The following PTTG1IP variants were observed in gnomAD, a reference collection of about 807,000 sequenced individuals.
PTTG1IP encodes PTTG1 interacting protein, also known as pituitary tumor-transforming gene 1 protein-interacting protein.
A neutral mutation model predicts 24.4 loss-of-function variants in PTTG1IP; 16 were observed. The ratio of observed to expected loss-of-function variants is 0.66; its 90% CI spans 0.44 to 1.00. PTTG1IP has a LOEUF of 1.00. Ranked by LOEUF, PTTG1IP falls within the 50% of genes least tolerant of loss-of-function variation. PTTG1IP has a pLI of 0.00. For missense variants in PTTG1IP, 241 were observed against 245.8 expected, an observed-to-expected ratio of 0.98 and a Z score of 0.13; for synonymous variants, 89 against 96.8, an observed-to-expected ratio of 0.92 and a Z score of 0.47.
At position 44,851,497 on chromosome 21, in the gene PTTG1IP, C is replaced by A. The variant is rs563111034; in HGVS notation, c.*84G>T. 7 of 1,613,588 alleles carry A rather than the reference C, an allele frequency of 4.3e-6. No homozygotes were observed. The highest frequency in any genetic ancestry group is 5.9e-6 in the Non-Finnish European group (7 of 1,179,996). ...TTCACTGGCCAAGGTCAGGAGACCG[C>A]AATGGCCACGTGGTCTCCCGGCTGG... is the stretch of plus-strand genomic sequence containing the variant. On this transcript the variant is annotated 3_prime_UTR_variant, in exon 6 of 6. Transcript: ENST00000330938.
At chr21:44,860,954 C>T (rs955893793) in intron 3 of PTTG1IP, among the ~76,000 whole-genome samples, 3 of 152,250 alleles carry the variant, frequency 2.0e-5, no homozygotes, top group Non-Finnish European at 4.4e-5. Flanking sequence ...CAAGTGCATG[C>T]CACCACGCCC....
intron 3 of PTTG1IP, among the ~76,000 whole-genome samples, chr21:44,860,523 AG>A (rs2083482702): frequency 6.6e-6 from 1 of 152,166 alleles, no homozygotes; most frequent in African/African-American, 2.4e-5. Flanking sequence ...TGGAGATTCT[AG>A]GGGAATTCAC....
At chr21:44,851,682 C>T (rs532299844) in intron 5 of PTTG1IP, 55 bp from the exon 6 acceptor site, 11 of 1,521,276 alleles carry the variant, frequency 7.2e-6, no homozygotes, top group Admixed American at 2.1e-5. Context: ...GAAACAAAAT[C>T]TTAGAAAGCC....
In PTTG1IP at chr21:44,861,255, G is replaced by A. The variant is rs144668992; in HGVS notation, c.185C>T (p.Thr62Ile). 3.1e-6 allele frequency: 5 copies of A among 1,613,474 alleles called. No individual in the cohort carries two copies. The African/African-American group carries it at 5.3e-5, about 17-fold the overall frequency. ...TGGGTAGTCCAGACAAGCCTTGTTA[G>A]TGTTGCACCAAAGACACTGAAAGAG... ...LKNVSCLWCN[T>I]NKACLDYPVT... Residue 62 changes from threonine (T) to isoleucine (I), a missense_variant, in exon 3 of 6, where the codon ACT becomes ATT. Coordinates refer to ENST00000330938, the MANE Select transcript of PTTG1IP (RefSeq NM_004339.4).
chr21:44,851,353 T>G lies in PTTG1IP; in HGVS notation c.*228A>C. Reference sequence around the variant, plus strand: ...GCCCAAACCCCAAAGATTTCTTATTTCAAGTGACTAAATCTAGAAACAGAG... The same window carrying G: ...GCCCAAACCCCAAAGATTTCTTATTGCAAGTGACTAAATCTAGAAACAGAG... On this transcript the variant is annotated 3_prime_UTR_variant, in exon 6 of 6. Transcript: ENST00000330938. 6.6e-7 allele frequency: 1 copy of G among 1,506,086 alleles called. No individual in the cohort carries two copies. The highest frequency in any genetic ancestry group is 8.9e-7 in the Non-Finnish European group (1 of 1,123,808). 93.3% of individuals were successfully genotyped at this position (1,506,086 alleles called of 1,614,324 possible).
At chr21:44,861,872 G>A (rs1390599999) in intron 2 of PTTG1IP, 3 of 717,076 alleles carry the variant, frequency 4.2e-6, no homozygotes, top group Admixed American at 2.0e-5. Flanking sequence ...GGACTTGGGT[G>A]AGCATGGTCA....
chr21:44,861,719 C>G (rs1233350783), intron 2 of PTTG1IP: 32 of 716,600 alleles, frequency 4.5e-5, no homozygotes, highest in Non-Finnish European at 7.5e-5. Flanking sequence ...TCCACCCCCT[C>G]CTCCTCACCT....
intron 4 of PTTG1IP, 142 bp downstream of exon 4, chr21:44,856,051 T>C: frequency 1.3e-6 from 2 of 1,527,522 alleles, no homozygotes; most frequent in Non-Finnish European, 8.9e-7. Flanking sequence ...TACCACGACC[T>C]AGAAGATCCC....
At position 44,865,444 on chromosome 21, in the gene PTTG1IP, C is replaced by A; in HGVS notation, c.119G>T (p.Cys40Phe). 3 of 1,614,178 alleles carry A rather than the reference C, an allele frequency of 1.9e-6. No homozygotes were observed. Among genetic ancestry groups the A allele is most frequent in the Non-Finnish European group, 2.5e-6 (3 of 1,180,026 alleles). Reference protein sequence around the residue: ...AAAQEPPGAACSQNTNKTCEE... With the variant: ...AAAQEPPGAAFSQNTNKTCEE... ...ACAGGTTTTGTTTGTGTTCTGAGAA[C>A]AAGCTGCAGGAAAGAGGCAAGAGAC... The change falls in exon 2 of 6, where the codon TGT (cysteine) becomes TTT (phenylalanine). Residue 40 changes from cysteine to phenylalanine, a missense_variant. Coordinates refer to ENST00000330938, the MANE Select transcript of PTTG1IP (RefSeq NM_004339.4).
In PTTG1IP at chr21:44,861,239, C is replaced by T. The variant is rs540961273; in HGVS notation, c.201G>A (p.Leu67=). ...CLWCNTNKAC[L]DYPVTSVLPP... ...GCAAGACGCTTGTAACTGGGTAGTC[C>T]AGACAAGCCTTGTTAGTGTTGCACC... The change falls in exon 3 of 6, where the codon CTG becomes CTA. Residue 67 remains leucine (L), a synonymous_variant. Coordinates refer to ENST00000330938, the MANE Select transcript of PTTG1IP (RefSeq NM_004339.4). 2.5e-6 allele frequency: 4 copies of T among 1,614,078 alleles called. No homozygotes were observed. The South Asian group carries it at 4.4e-5, about 18-fold the overall frequency.
intron 4 of PTTG1IP, 118 bp from the exon 5 acceptor site, chr21:44,855,374 C>A: frequency 1.8e-6 from 2 of 1,081,752 alleles, no homozygotes; most frequent in East Asian, 2.4e-5. Flanking sequence ...GGCTTCCCTC[C>A]AGTTCCCAGA....
At chr21:44,867,644 C>G (rs2083552926) in intron 1 of PTTG1IP, among the ~76,000 whole-genome samples, 1 of 152,250 alleles carries the variant, frequency 6.6e-6, no homozygotes, top group South Asian at 2.1e-4. Flanking sequence ...GACTGATGCT[C>G]ACGTCTGTGA....
intron 3 of PTTG1IP, among the ~76,000 whole-genome samples, chr21:44,857,592 T>C (rs532930692): frequency 3.3e-5 from 5 of 152,348 alleles, no homozygotes; most frequent in African/African-American, 4.8e-5. Flanking sequence ...CTACAGTTAA[T>C]AGCTGTGCCA....
rs1378956485 is a variant in PTTG1IP, at chr21:44,851,684, TAGAA to T, written c.497-61_497-58del. ...ATTCATTCAACCAGAAACAAAATCT[TAGAA>T]AGCCATACAAACCAAGCTTTATAAG... On this transcript the variant is annotated intron_variant, in intron 5 of 5. Transcript: ENST00000330938. 1.3e-5 allele frequency: 19 copies of T among 1,517,574 alleles called. No individual in the cohort carries two copies. In the East Asian group the frequency reaches 3.2e-4, roughly 26 times the overall value. The allele number at this position is 1,517,574 out of a possible 1,614,324, so 94.0% of individuals were successfully genotyped here. A position where few individuals can be genotyped will look rare whatever the true frequency, so the allele number is the denominator to read the frequency against.
At chr21:44,857,435 C>T (rs961698485) in intron 3 of PTTG1IP, among the ~76,000 whole-genome samples, 5 of 152,144 alleles carry the variant, frequency 3.3e-5, no homozygotes, top group African/African-American at 1.2e-4. Flanking sequence ...TGCAGTGAGC[C>T]GTGCCTACAC....
In PTTG1IP at chr21:44,870,778, C is replaced by A. The variant is rs186635066; in HGVS notation, c.115+2724G>T. On this transcript the variant is annotated intron_variant, in intron 1 of 5. Transcript: ENST00000330938. Reference sequence around the variant, plus strand: ...GACTCCATTTATCAATTTTTAAAGACCTTTCAGTCTCATTTGTTTCCGAAA... The same window carrying A: ...GACTCCATTTATCAATTTTTAAAGAACTTTCAGTCTCATTTGTTTCCGAAA... Among the ~76,000 whole-genome samples the A allele has an allele frequency of 1.2e-4, 18 of 152,322 alleles. No homozygotes were observed. The East Asian group carries it at 3.5e-3, about 29-fold the overall frequency.
chr21:44,854,159 C>G lies in PTTG1IP; in HGVS notation c.496+1051G>C, dbSNP rs544647226. Reference sequence around the variant, plus strand: ...CTGCTGGGCTTTGCCGTCCACCCCCCACCCGATGACCGAGAACCGCAGCGA... The same window carrying G: ...CTGCTGGGCTTTGCCGTCCACCCCCGACCCGATGACCGAGAACCGCAGCGA... On this transcript the variant is annotated intron_variant, in intron 5 of 5. Coordinates refer to ENST00000330938, the MANE Select transcript of PTTG1IP (RefSeq NM_004339.4). Among the ~76,000 whole-genome samples, 21 of 152,336 alleles carry G rather than the reference C, an allele frequency of 1.4e-4. No individual in the cohort carries two copies. The South Asian group carries it at 3.9e-3, about 29-fold the overall frequency.
intron 1 of PTTG1IP, 53 bp downstream of exon 1, chr21:44,873,449 A>AC: frequency 7.6e-7 from 1 of 1,313,462 alleles, no homozygotes; most frequent in Non-Finnish European, 9.6e-7. Flanking sequence ...CCCGACCTGG[A>AC]CCCACCAGCC....
At chr21:44,864,013 C>T (rs777143394) in intron 2 of PTTG1IP, among the ~76,000 whole-genome samples, 3 of 152,158 alleles carry the variant, frequency 2.0e-5, no homozygotes, top group Non-Finnish European at 4.4e-5. Flanking sequence ...AAGAACATGG[C>T]TCATGCCTTA....
Sources: allele counts gnomAD v4.1 joint callset (sites outside exome capture counted in the v4.1 genomes callset), GRCh38; gene constraint gnomAD v4.1.1; transcripts MANE v1.5; gene names NCBI Gene and HGNC (gene_info 2026-07-23, HGNC 2026-07-21).